Variants in SPATA16 observed in about 807,000 individuals in gnomAD.
SPATA16 encodes the protein spermatogenesis associated 16, also known as spermatogenesis-associated protein 16.
SPATA16 carries 36 observed loss-of-function variants against 63.3 expected under a neutral mutation model. That is an observed-to-expected ratio of 0.57 (90% CI 0.44 to 0.75). The LOEUF is 0.75. Among genes scored for constraint, SPATA16 ranks in the 30% least tolerant of loss-of-function variants. SPATA16 has a pLI of 0.00. For synonymous variants in SPATA16, 203 were observed against 216.7 expected (o/e 0.94, Z 0.56); for missense variants, 646 against 679.3 (o/e 0.95, Z 0.54).
chr3:173,128,959 A>T (rs77851041), intron 1 of SPATA16, among the ~76,000 whole-genome samples: 5 of 152,340 alleles, frequency 3.3e-5, no homozygotes, highest in Admixed American at 2.6e-4. Context: ...CCACGGATGA[A>T]GCAGTCTGCC....
chr3:173,086,288 A>C (rs999580049), intron 2 of SPATA16, among the ~76,000 whole-genome samples: 1 of 151,900 alleles, frequency 6.6e-6, no homozygotes, highest in African/African-American at 2.4e-5. Context: ...GAATTTATCC[A>C]TTTCTTCTTC....
chr3:172,914,231 T>C (rs1427452121), intron 9 of SPATA16, among the ~76,000 whole-genome samples: 2 of 152,154 alleles, frequency 1.3e-5, no homozygotes, highest in Non-Finnish European at 2.9e-5. Context: ...TTTTTCTTTG[T>C]TAAAATTTTA....
At chr3:172,894,744 G>A (rs983008883) in intron 10 of SPATA16, among the ~76,000 whole-genome samples, 3 of 152,258 alleles carry the variant, frequency 2.0e-5, no homozygotes, top group South Asian at 4.1e-4. Context: ...TGGAACTCTC[G>A]TGAATGGCAT....
rs867995666 is a variant in SPATA16 at position 172,936,415 on chromosome 3, A to G, written c.1082-10923T>C. ...GGAGGGTGATATTCTCAGAAAAGAT[A>G]TGAAAGCTCTGTGTACCCTCCCTCT... On this transcript the variant is annotated intron_variant, in intron 6 of 10. Transcript: ENST00000351008. Among the ~76,000 whole-genome samples, 3 of 152,248 alleles carry G rather than the reference A, an allele frequency of 2.0e-5. No homozygotes were observed. In the South Asian group the frequency reaches 6.2e-4, roughly 31 times the overall value.
intron 4 of SPATA16, among the ~76,000 whole-genome samples, chr3:173,010,687 CT>C (rs1478573015): frequency 6.6e-6 from 1 of 152,064 alleles, no homozygotes; most frequent in Non-Finnish European, 1.5e-5. Flanking sequence ...ATCTTGGGGT[CT>C]TATGGCTTCC....
At chr3:172,980,093 C>A (rs1450953127) in intron 4 of SPATA16, among the ~76,000 whole-genome samples, 1 of 152,122 alleles carries the variant, frequency 6.6e-6, no homozygotes, top group Non-Finnish European at 1.5e-5. Flanking sequence ...TACTGCTCAG[C>A]CCTCATGAAT....
intron 4 of SPATA16, among the ~76,000 whole-genome samples, chr3:173,003,023 A>G (rs937263290): frequency 6.6e-6 from 1 of 152,192 alleles, no homozygotes; most frequent in Non-Finnish European, 1.5e-5. Context: ...TCAAACATTG[A>G]AAATCATAAA....
chr3:172,950,896 C>G, intron 6 of SPATA16, among the ~76,000 whole-genome samples: 1 of 151,984 alleles, frequency 6.6e-6, no homozygotes, highest in East Asian at 1.9e-4. Context: ...AGATCCATTA[C>G]TGAATATTTA....
intron 2 of SPATA16, among the ~76,000 whole-genome samples, chr3:173,055,035 AATGTTTGATGT>A (rs1243425527): frequency 3.9e-5 from 6 of 152,250 alleles, no homozygotes; most frequent in African/African-American, 1.4e-4. Flanking sequence ...AGCACATAAA[AATGTTTGATGT>A]TATTCATTAG....
At chr3:173,128,282 G>T (rs1738280028) in intron 1 of SPATA16, among the ~76,000 whole-genome samples, 1 of 151,966 alleles carries the variant, frequency 6.6e-6, no homozygotes, top group Non-Finnish European at 1.5e-5. Context: ...GCAGAATAAG[G>T]GTGGATCATA....
intron 2 of SPATA16, among the ~76,000 whole-genome samples, chr3:173,052,745 T>A (rs1436531779): frequency 6.6e-6 from 1 of 152,234 alleles, no homozygotes; most frequent in Admixed American, 6.5e-5. Flanking sequence ...GGTGTGAATT[T>A]GTTTAAATCT....
chr3:172,981,345 C>T (rs1425751989), intron 4 of SPATA16, among the ~76,000 whole-genome samples: 1 of 152,182 alleles, frequency 6.6e-6, no homozygotes, highest in Non-Finnish European at 1.5e-5. Flanking sequence ...CACTCCTGTG[C>T]TTAAAACTGC....
At chr3:173,023,939 A>G (rs1735395203) in intron 3 of SPATA16, among the ~76,000 whole-genome samples, 1 of 150,658 alleles carries the variant, frequency 6.6e-6, no homozygotes. Context: ...ATATATAAAT[A>G]TATTACTATG....
rs373440547 is a variant in SPATA16, at chr3:172,962,043, A to C, written c.934-5219T>G. Among the ~76,000 whole-genome samples, 17 of 152,222 alleles carry C rather than the reference A, an allele frequency of 1.1e-4. 3 individuals carry two copies. Among genetic ancestry groups the C allele is most frequent in the Admixed American group, 3.3e-4 (5 of 15,296 alleles). ...CAAGGCAGGCAGATCATATGAGGCC[A>C]GGAGTTCGAAACCAGCATGGCCAAC... is the stretch of plus-strand genomic sequence containing the variant. On this transcript the variant is annotated intron_variant, in intron 5 of 10. Coordinates refer to ENST00000351008, the MANE Select transcript of SPATA16 (RefSeq NM_031955.6).
chr3:173,114,414 T>C (rs1048205461), intron 2 of SPATA16, among the ~76,000 whole-genome samples: 7 of 152,198 alleles, frequency 4.6e-5, no homozygotes, highest in Non-Finnish European at 8.8e-5. Context: ...GGTGTGCTCG[T>C]GGAGACACTG....
Position 173,054,692 on chromosome 3 carries a change from C to T in SPATA16, c.613-5598G>A, listed in dbSNP as rs544060345. Among the ~76,000 whole-genome samples, 24 of 152,188 alleles carry T rather than the reference C, an allele frequency of 1.6e-4. No individual in the cohort carries two copies. In the South Asian group the frequency reaches 5.0e-3, roughly 32 times the overall value. ...CATGGCAATAGGTGCAGCAAACCAC[C>T]ATGGCACACGTGTACGTATGCAACA... On this transcript the variant is annotated intron_variant, in intron 2 of 10. Coordinates refer to ENST00000351008, the MANE Select transcript of SPATA16 (RefSeq NM_031955.6).
intron 3 of SPATA16, among the ~76,000 whole-genome samples, chr3:173,028,831 C>G (rs1265546198): frequency 6.6e-6 from 1 of 151,954 alleles, no homozygotes; most frequent in African/African-American, 2.4e-5. Context: ...ATCTATAGTT[C>G]TGAGCATCTG....
intron 5 of SPATA16, among the ~76,000 whole-genome samples, chr3:172,967,017 G>A (rs1475110649): frequency 3.3e-5 from 5 of 152,262 alleles, no homozygotes; most frequent in Middle Eastern, 3.4e-3. Context: ...AACAAACACA[G>A]AGAAGGAGTC....
At chr3:172,910,253 C>T (rs1328192921) in intron 10 of SPATA16, among the ~76,000 whole-genome samples, 1 of 152,026 alleles carries the variant, frequency 6.6e-6, no homozygotes, top group Non-Finnish European at 1.5e-5. Context: ...GCCAACACAC[C>T]TGGCTAATTT....
Sources: gnomAD v4.1 joint callset for allele counts (sites outside exome capture counted in the v4.1 genomes callset) on GRCh38, gnomAD v4.1.1 for gene constraint, MANE v1.5 for transcripts, NCBI Gene and HGNC (gene_info 2026-07-23, HGNC 2026-07-21) for gene names.